ROR1: variants seen among roughly 807,000 people sequenced by gnomAD.
ROR1 encodes inactive tyrosine-protein kinase transmembrane receptor ROR1.
ROR1 carries 19 observed loss-of-function variants against 78.8 expected under a neutral mutation model. That is an observed-to-expected ratio of 0.24 (90% CI 0.17 to 0.35). The LOEUF (loss-of-function observed/expected upper bound fraction) is 0.35, where lower values mean the gene tolerates loss of function less well. Among genes scored for constraint, ROR1 ranks in the 10% least tolerant of loss-of-function variants. The probability of loss-of-function intolerance (pLI) is 1.00; values close to 1 mark genes in which losing one functional copy is unlikely to be tolerated. For missense variants in ROR1, 917 were observed against 1,177.8 expected (o/e 0.78, Z 3.24); for synonymous variants, 386 against 433.6 (o/e 0.89, Z 1.36).
intron 1 of ROR1, among the ~76,000 whole-genome samples, chr1:63,800,150 A>G (rs934019117): frequency 1.3e-5 from 2 of 152,204 alleles, no homozygotes; most frequent in Admixed American, 6.5e-5. Context: ...ACTGAGTCCC[A>G]GGGTTACCCT....
chr1:64,157,379 C>A (rs1242993092), intron 7 of ROR1, among the ~76,000 whole-genome samples: 1 of 152,038 alleles, frequency 6.6e-6, no homozygotes, highest in Admixed American at 6.5e-5. Flanking sequence ...GCTCAAGCAA[C>A]CTGCCTGCCT....
At chr1:63,910,172 T>C (rs1174339125) in intron 1 of ROR1, among the ~76,000 whole-genome samples, 2 of 152,208 alleles carry the variant, frequency 1.3e-5, no homozygotes, top group Non-Finnish European at 2.9e-5. Context: ...ATTTAACAGG[T>C]ACTAGCTGCA....
chr1:64,097,158 T>C (rs1165288662), intron 4 of ROR1, among the ~76,000 whole-genome samples: 1 of 146,964 alleles, frequency 6.8e-6, no homozygotes, highest in Non-Finnish European at 1.5e-5. Context: ...TTAAGGTTCC[T>C]TTTGGAGGCT....
chr1:64,080,822 G>T (rs1375497850), intron 4 of ROR1, among the ~76,000 whole-genome samples: 4 of 152,204 alleles, frequency 2.6e-5, no homozygotes, highest in South Asian at 2.1e-4. Flanking sequence ...GGACAGTAGA[G>T]CTCAGCCATG....
intron 2 of ROR1, among the ~76,000 whole-genome samples, chr1:64,011,820 G>A (rs285400): frequency 0.66 from 99,956 of 152,064 alleles, 37,429 homozygotes; most frequent in East Asian, 0.94. Context: ...AAACCTTATC[G>A]ATTCCTACTC....
chr1:64,159,463 A>G (rs6671162), intron 8 of ROR1, among the ~76,000 whole-genome samples: 50,175 of 151,946 alleles, frequency 0.33, 8,701 homozygotes, highest in Middle Eastern at 0.42. Flanking sequence ...AATCATCCTG[A>G]CCAGCCCGTC....
intron 1 of ROR1, among the ~76,000 whole-genome samples, chr1:63,851,197 C>G (rs905231891): frequency 2.0e-5 from 3 of 152,130 alleles, no homozygotes; most frequent in African/African-American, 7.2e-5. Context: ...CCAGGATGGT[C>G]TCAATTTCTT....
chr1:64,134,005 C>T (rs1649017397), intron 4 of ROR1, among the ~76,000 whole-genome samples: 1 of 152,186 alleles, frequency 6.6e-6, no homozygotes, highest in African/African-American at 2.4e-5. Flanking sequence ...TGCACCAAAG[C>T]TTCTCCACAG....
intron 1 of ROR1, among the ~76,000 whole-genome samples, chr1:63,854,200 T>C (rs1645134225): frequency 6.6e-6 from 1 of 152,224 alleles, no homozygotes; most frequent in East Asian, 1.9e-4. Context: ...CTTTATGTCA[T>C]ATAAAAATAT....
intron 4 of ROR1, chr1:64,112,337 G>C (rs1202604553): frequency 6.6e-6 from 1 of 151,958 alleles, no homozygotes; most frequent in Non-Finnish European, 1.5e-5. Context: ...ACATGAAGCA[G>C]TAAAGGTATT....
intron 1 of ROR1, among the ~76,000 whole-genome samples, chr1:63,818,782 A>G (rs1177807160): frequency 1.3e-5 from 2 of 152,224 alleles, no homozygotes; most frequent in Admixed American, 6.5e-5. Context: ...TGCACCAGGC[A>G]TGATGCTGAC....
chr1:63,996,424 A>T (rs1195011032), intron 1 of ROR1, among the ~76,000 whole-genome samples: 1 of 152,196 alleles, frequency 6.6e-6, no homozygotes, highest in East Asian at 1.9e-4. Flanking sequence ...CAGACAGGCG[A>T]AACATTTTAA....
At chr1:63,802,228 T>C (rs1423757334) in intron 1 of ROR1, among the ~76,000 whole-genome samples, 1 of 152,196 alleles carries the variant, frequency 6.6e-6, no homozygotes. Context: ...CAAACCCTAC[T>C]GAATCTTGTC....
At chr1:64,154,031 T>C (rs1253787280) in intron 7 of ROR1, among the ~76,000 whole-genome samples, 1 of 152,206 alleles carries the variant, frequency 6.6e-6, no homozygotes, top group Non-Finnish European at 1.5e-5. Context: ...CTAAGATTTT[T>C]CCCAAATGCT....
chr1:64,024,908 A>G (rs957105323), intron 2 of ROR1, among the ~76,000 whole-genome samples: 1 of 152,068 alleles, frequency 6.6e-6, no homozygotes, highest in Non-Finnish European at 1.5e-5. Flanking sequence ...TAACATATTA[A>G]TTTTTCTCAT....
chr1:64,164,728 T>A (rs894646473), intron 8 of ROR1, among the ~76,000 whole-genome samples: 1 of 152,138 alleles, frequency 6.6e-6, no homozygotes, highest in Non-Finnish European at 1.5e-5. Context: ...ATTAGTTATT[T>A]TTCCTGATCC....
chr1:63,789,105 G>A, intron 1 of ROR1: 1 of 614,810 alleles, frequency 1.6e-6, no homozygotes, highest in Non-Finnish European at 3.2e-6. Context: ...GTAGGCCAAG[G>A]TGTTTTCCTG....
chr1:64,049,653 G>C (rs1281235811), intron 2 of ROR1, 38 bp from the exon 3 acceptor site: 1 of 1,588,438 alleles, frequency 6.3e-7, no homozygotes, highest in East Asian at 2.2e-5. Context: ...CTCTCAAGCT[G>C]TCTGCCCCTC....
chr1:63,922,550 G>A (rs1645665169), intron 1 of ROR1, among the ~76,000 whole-genome samples: 1 of 152,160 alleles, frequency 6.6e-6, no homozygotes, highest in South Asian at 2.1e-4. Context: ...CAGAATTGGA[G>A]AATTGTTCCA....
Sources: gnomAD v4.1 joint callset for allele counts (sites outside exome capture counted in the v4.1 genomes callset) on GRCh38, gnomAD v4.1.1 for gene constraint, MANE v1.5 for transcripts, NCBI Gene and HGNC (gene_info 2026-07-23, HGNC 2026-07-21) for gene names.